UBAP1: variants seen among roughly 807,000 people sequenced by gnomAD.
UBAP1 encodes the protein ubiquitin associated protein 1, also known as ubiquitin-associated protein 1.
In UBAP1, 5 loss-of-function variants were observed where a neutral mutation model predicts 39.0. The observed-to-expected ratio is 0.13, with a 90% CI of 0.07 to 0.27. The LOEUF is 0.27. UBAP1 is among the 10% of genes least tolerant of loss of function. UBAP1 has a pLI of 1.00. For synonymous variants in UBAP1, 211 were observed against 225.1 expected, an observed-to-expected ratio of 0.94 and a Z score of 0.56; for missense variants, 490 against 608.1, an observed-to-expected ratio of 0.81 and a Z score of 2.04.
intron 3 of UBAP1, among the ~76,000 whole-genome samples, chr9:34,240,822 G>C (rs960936321): frequency 1.3e-5 from 2 of 152,286 alleles, no homozygotes; most frequent in East Asian, 1.9e-4. Flanking sequence ...AGAAAATCTA[G>C]AGAGTTAATG....
chr9:34,236,956 G>T (rs1483500867), intron 3 of UBAP1, among the ~76,000 whole-genome samples: 1 of 151,852 alleles, frequency 6.6e-6, no homozygotes. Flanking sequence ...GACCTTGTAC[G>T]TTATCTCTCT....
chr9:34,229,122 T>C (rs1179278696), intron 2 of UBAP1, among the ~76,000 whole-genome samples: 1 of 152,182 alleles, frequency 6.6e-6, no homozygotes, highest in East Asian at 1.9e-4. Context: ...TTTAAAGGTA[T>C]TCTACCTCAT....
rs139278313 is a variant in UBAP1 at position 34,236,325 on chromosome 9, G to A, written c.159+1985G>A. ...AGCAATACTGTACCATAGCAATACC[G>A]TATAGCCTAGGTGTATAGCAGGCTG... On this transcript the variant is annotated intron_variant, in intron 3 of 6. Transcript: ENST00000297661. 4.2e-4 allele frequency among the ~76,000 whole-genome samples: 64 copies of A among 152,188 alleles called. No individual in the cohort carries two copies. The East Asian group carries it at 0.01, about 24-fold the overall frequency.
At chr9:34,240,189 TC>T (rs1348651773) in intron 3 of UBAP1, among the ~76,000 whole-genome samples, 1 of 152,130 alleles carries the variant, frequency 6.6e-6, no homozygotes, top group African/African-American at 2.4e-5. Context: ...AGCCCAGTGA[TC>T]CCCCCATATG....
At chr9:34,208,729 G>C (rs1476440577) in intron 1 of UBAP1, among the ~76,000 whole-genome samples, 1 of 148,206 alleles carries the variant, frequency 6.7e-6, no homozygotes, top group African/African-American at 2.5e-5. Context: ...AGTGAGCCGA[G>C]ATGGCACCAC....
chr9:34,211,925 C>A, intron 1 of UBAP1: 1 of 351,208 alleles, frequency 2.8e-6, no homozygotes. Context: ...TGAAGTGATA[C>A]TGAGCTGGAA....
At chr9:34,221,958 A>G (rs906070868) in intron 2 of UBAP1, among the ~76,000 whole-genome samples, 13 of 152,240 alleles carry the variant, frequency 8.5e-5, no homozygotes, top group African/African-American at 1.4e-4. Context: ...TTTAAAGCCA[A>G]TCTTCCATGT....
intron 2 of UBAP1, 94 bp downstream of exon 2, chr9:34,221,042 G>A: frequency 8.8e-7 from 1 of 1,139,940 alleles, no homozygotes; most frequent in Non-Finnish European, 1.3e-6. Context: ...GCCCCTTTTT[G>A]TCTCTTTTAA....
In UBAP1 at chr9:34,182,677, T is replaced by TCTCTCTC. The variant is rs1563881334; in HGVS notation, c.-8+3437_-8+3438insCTCTCTC. Among the ~76,000 whole-genome samples, 134 of 71,990 alleles carry TCTCTCTC rather than the reference T, an allele frequency of 1.9e-3. 1 individual carries two copies. Among genetic ancestry groups the TCTCTCTC allele is most frequent in the South Asian group, 3.2e-3 (6 of 1,856 alleles). The allele number at this position is 71,990 out of a possible 152,430, so 47.2% of individuals were successfully genotyped here. A position where few individuals can be genotyped will look rare whatever the true frequency, so the allele number is the denominator to read the frequency against. On this transcript the variant is annotated intron_variant, in intron 1 of 6. Transcript: ENST00000297661. ...TTTCTTTCTTTCTTTCTTTCTTTCTTTCTTTCTCTCTCTCTTTCTTTTCTT... is the reference window on the plus strand; with the variant it reads ...TTTCTTTCTTTCTTTCTTTCTTTCTTCTCTCTCTCTTTCTCTCTCTCTTTCTTTTCTT...
chr9:34,184,402 C>A (rs1181189406), intron 1 of UBAP1, among the ~76,000 whole-genome samples: 1 of 150,982 alleles, frequency 6.6e-6, no homozygotes, highest in Non-Finnish European at 1.5e-5. Context: ...GAGGCCGAGG[C>A]GGGCGGATCA....
rs765899604 is a variant in UBAP1 at position 34,220,900 on chromosome 9, T to G, written c.-7-8T>G. On this transcript the variant is annotated splice_region_variant and splice_polypyrimidine_tract_variant and intron_variant, in intron 1 of 6. Transcript: ENST00000297661. ...AATGTGCCTAAGAAATATTTCCTTG[T>G]TTTTCAGGTTCTAAATGGCTTCTAA... The G allele has an allele frequency of 1.2e-6, 2 of 1,612,978 alleles. No individual in the cohort carries two copies. The highest frequency in any genetic ancestry group is 1.7e-6 in the Non-Finnish European group (2 of 1,179,374).
intron 1 of UBAP1, among the ~76,000 whole-genome samples, chr9:34,208,736 C>T (rs1438799246): frequency 2.0e-5 from 3 of 147,234 alleles, no homozygotes; most frequent in African/African-American, 7.5e-5. Context: ...CGAGATGGCA[C>T]CACTGCACTC....
intron 1 of UBAP1, 41 bp from the exon 2 acceptor site, chr9:34,220,867 C>G (rs761541517): frequency 1.9e-6 from 3 of 1,586,820 alleles, no homozygotes; most frequent in South Asian, 1.1e-5. Context: ...GTACTACCTT[C>G]AAGGTATAAT....
Position 34,205,781 on chromosome 9 carries a change from C to T in UBAP1, c.-7-15127C>T, listed in dbSNP as rs551792923. Among the ~76,000 whole-genome samples the T allele has an allele frequency of 3.9e-4, 59 of 152,248 alleles. 1 individual carries two copies. Among genetic ancestry groups the T allele is most frequent in the African/African-American group, 1.3e-3 (52 of 41,532 alleles). ...GGCTGAGGCGGGAGGATCACGAGGT[C>T]AAGAGATTGAGACCAGCCTGGCCAA... On this transcript the variant is annotated intron_variant, in intron 1 of 6. Transcript: ENST00000297661.
At chr9:34,184,006 G>A (rs1169075562) in intron 1 of UBAP1, among the ~76,000 whole-genome samples, 1 of 151,922 alleles carries the variant, frequency 6.6e-6, no homozygotes, top group African/African-American at 2.4e-5. Flanking sequence ...TTCAACTCAG[G>A]TGATCCATCC....
chr9:34,207,421 G>C (rs191652202), intron 1 of UBAP1, among the ~76,000 whole-genome samples: 1 of 150,722 alleles, frequency 6.6e-6, no homozygotes, highest in Non-Finnish European at 1.5e-5. Flanking sequence ...AGAAAAACAT[G>C]GTACTTCAGT....
At chr9:34,232,233 G>C (rs986180524) in intron 2 of UBAP1, among the ~76,000 whole-genome samples, 2 of 151,982 alleles carry the variant, frequency 1.3e-5, no homozygotes, top group African/African-American at 4.8e-5. Flanking sequence ...GACCTCAGAT[G>C]ATCCACCTGC....
rs1459444006 is a variant in UBAP1 at position 34,193,081 on chromosome 9, C to A, written c.-8+13841C>A. ...CCAGAACTTTGGGAGGCGAGGCAGG[C>A]AGATCACTTGAGGTCAGGAGTTTGA... is the stretch of plus-strand genomic sequence containing the variant. On this transcript the variant is annotated intron_variant, in intron 1 of 6. Coordinates refer to ENST00000297661, the MANE Select transcript of UBAP1 (RefSeq NM_016525.5). 2.6e-5 allele frequency among the ~76,000 whole-genome samples: 4 copies of A among 152,072 alleles called. No homozygotes were observed. In the South Asian group the frequency reaches 8.3e-4, roughly 32 times the overall value.
chr9:34,214,373 T>TA (rs1380010994), intron 1 of UBAP1, among the ~76,000 whole-genome samples: 1 of 152,120 alleles, frequency 6.6e-6, no homozygotes, highest in Non-Finnish European at 1.5e-5. Flanking sequence ...CCCAAATACT[T>TA]ACAGCCAATT....
Sources: allele counts gnomAD v4.1 joint callset (sites outside exome capture counted in the v4.1 genomes callset), GRCh38; gene constraint gnomAD v4.1.1; transcripts MANE v1.5; gene names NCBI Gene and HGNC (gene_info 2026-07-23, HGNC 2026-07-21).